The following PRMT8 variants were observed in gnomAD, a reference collection of about 807,000 sequenced individuals.
PRMT8 encodes protein arginine methyltransferase 8.
A neutral mutation model predicts 47.1 loss-of-function variants in PRMT8; 7 were observed. That is an observed-to-expected ratio of 0.15 (90% CI 0.08 to 0.28). The LOEUF is 0.28. Among genes scored for constraint, PRMT8 ranks in the 10% least tolerant of loss-of-function variants. PRMT8 has a pLI of 1.00. For synonymous variants in PRMT8, 188 were observed against 186.5 expected (o/e 1.01, Z -0.07); for missense variants, 237 against 505.4 (o/e 0.47, Z 5.09).
chr12:3,555,628 G>A (rs1565440418), intron 4 of PRMT8, among the ~76,000 whole-genome samples: 1 of 152,222 alleles, frequency 6.6e-6, no homozygotes, highest in African/African-American at 2.4e-5. Context: ...TGGAGGATGG[G>A]TTGGAATAAG....
intron 1 of PRMT8, among the ~76,000 whole-genome samples, chr12:3,417,290 G>A (rs1864493320): frequency 6.6e-6 from 1 of 152,210 alleles, no homozygotes; most frequent in Non-Finnish European, 1.5e-5. Flanking sequence ...AGCAACACAG[G>A]GGTGGGGAGA....
chr12:3,396,352 G>A (rs1270241627), intron 1 of PRMT8, among the ~76,000 whole-genome samples: 23 of 152,180 alleles, frequency 1.5e-4, no homozygotes, highest in South Asian at 2.1e-4. Flanking sequence ...GGCTGGTACC[G>A]GTTGTTCCTT....
rs75298634 is a variant in PRMT8 at position 3,471,452 on chromosome 12, A to T, written c.49-69154A>T. Among the ~76,000 whole-genome samples, 1,054 of 152,048 alleles carry T rather than the reference A, an allele frequency of 6.9e-3. 16 individuals carry two copies. Among genetic ancestry groups the T allele is most frequent in the African/African-American group, 0.024 (999 of 41,470 alleles). On this transcript the variant is annotated intron_variant, in intron 1 of 9. Transcript: ENST00000452611. Reference sequence around the variant, plus strand: ...GCCACCAATCCTCAGGTTTCCATAAACACCAAGGGCAGATTTGTTTTCAGA... The same window carrying T: ...GCCACCAATCCTCAGGTTTCCATAATCACCAAGGGCAGATTTGTTTTCAGA...
chr12:3,435,741 C>T (rs994616327), intron 1 of PRMT8, among the ~76,000 whole-genome samples: 25 of 151,924 alleles, frequency 1.6e-4, no homozygotes, highest in African/African-American at 1.5e-4. Context: ...AGGATGGTCT[C>T]GATCTCCTGA....
At chr12:3,398,875 C>T (rs1259605590) in intron 1 of PRMT8, among the ~76,000 whole-genome samples, 1 of 152,206 alleles carries the variant, frequency 6.6e-6, no homozygotes, top group East Asian at 1.9e-4. Flanking sequence ...CAATGAACCA[C>T]ACTGGGTTCT....
At position 3,552,071 on chromosome 12, in the gene PRMT8, TA is replaced by T. The variant is rs1341073140; in HGVS notation, c.418-1579del. 1 of 152,240 alleles carries T rather than the reference TA, an allele frequency of 6.6e-6. No individual in the cohort carries two copies. The highest frequency in any genetic ancestry group is 2.4e-5 in the African/African-American group (1 of 41,412). The allele number at this position is 152,240 out of a possible 1,614,324, so 9.4% of individuals were successfully genotyped here. A position where few individuals can be genotyped will look rare whatever the true frequency, so the allele number is the denominator to read the frequency against. ...GGCGAAACCCTGTCTCTACTAAAAA[TA>T]CAAAAATTAGCCGGGCATGGTGGCG... On this transcript the variant is annotated intron_variant, in intron 3 of 9. Coordinates refer to ENST00000382622, the MANE Select transcript of PRMT8 (RefSeq NM_019854.5). This position sits in a 1 kb window ranked among gnomAD's most constrained non-coding sequence, Gnocchi z 4.5.
intron 1 of PRMT8, among the ~76,000 whole-genome samples, chr12:3,427,851 G>A (rs1013556201): frequency 2.6e-5 from 4 of 151,590 alleles, no homozygotes; most frequent in African/African-American, 9.7e-5. Flanking sequence ...TTTTTTCGAA[G>A]ATAATCATTC....
rs544220479 is a variant in PRMT8 at position 3,572,201 on chromosome 12, AATATCTGGCAT to A, written c.712+2641_712+2651del. Among the ~76,000 whole-genome samples, 6 of 152,328 alleles carry A rather than the reference AATATCTGGCAT, an allele frequency of 3.9e-5. No individual in the cohort carries two copies. In the South Asian group the frequency reaches 1.2e-3, roughly 32 times the overall value. On this transcript the variant is annotated intron_variant, in intron 6 of 9. Coordinates refer to ENST00000382622, the MANE Select transcript of PRMT8 (RefSeq NM_019854.5). This position sits in a 1 kb window ranked among gnomAD's most constrained non-coding sequence, Gnocchi z 5.9. ...TAGAGACCACATAGAGACAGAGATAAATATCTGGCATATACTAGGCTCACAATACATAATTT... is the reference window on the plus strand; with the variant it reads ...TAGAGACCACATAGAGACAGAGATAAATACTAGGCTCACAATACATAATTT...
At chr12:3,556,281 A>G (rs1866526598) in intron 4 of PRMT8, among the ~76,000 whole-genome samples, 1 of 152,108 alleles carries the variant, frequency 6.6e-6, no homozygotes, top group Non-Finnish European at 1.5e-5. Context: ...GCTAGAAGAA[A>G]GAAATGGGCC....
chr12:3,554,377 T>C (rs1309562620), intron 4 of PRMT8, among the ~76,000 whole-genome samples: 5 of 152,178 alleles, frequency 3.3e-5, no homozygotes, highest in African/African-American at 4.8e-5. Context: ...GACAGCAGGA[T>C]TAGATGCAGT....
chr12:3,391,452 G>A (rs1361606684), intron 1 of PRMT8, among the ~76,000 whole-genome samples: 3 of 152,176 alleles, frequency 2.0e-5, no homozygotes, highest in African/African-American at 7.2e-5. Context: ...CAAATGCCCT[G>A]GGGCAAAATC....
At chr12:3,410,842 G>T (rs1864421756) in intron 1 of PRMT8, among the ~76,000 whole-genome samples, 2 of 152,170 alleles carry the variant, frequency 1.3e-5, no homozygotes. Context: ...ATTCCATGGG[G>T]CATTGGTCTG....
rs1229471854 is a variant in PRMT8 at position 3,570,002 on chromosome 12, AT to A, written c.712+439del. The stretch of plus-strand genomic sequence containing the variant: ...CTCCATTCCATTCAAACTTATCAAA[AT>A]AATATTGATTCTCTTATGCAAATAC... On this transcript the variant is annotated intron_variant, in intron 6 of 9. Coordinates refer to ENST00000382622, the MANE Select transcript of PRMT8 (RefSeq NM_019854.5). This position sits in a 1 kb window ranked among gnomAD's most constrained non-coding sequence, Gnocchi z 5.5. Among the ~76,000 whole-genome samples the A allele has an allele frequency of 6.6e-6, 1 of 152,162 alleles. No homozygotes were observed. The highest frequency in any genetic ancestry group is 2.4e-5 in the African/African-American group (1 of 41,430).
At chr12:3,544,042 G>T (rs1334540136) in intron 2 of PRMT8, among the ~76,000 whole-genome samples, 2 of 152,148 alleles carry the variant, frequency 1.3e-5, no homozygotes, top group Admixed American at 6.5e-5. Context: ...TGACACTCTC[G>T]CTGCAGGTTC....
At position 3,558,957 on chromosome 12, in the gene PRMT8, TCTAC is replaced by T. The variant is rs1215032640; in HGVS notation, c.481+5247_481+5250del. Reference sequence around the variant, plus strand: ...AAACTAACATTTATCTGTCTATCTATCTACCTATCTATCTATCTATCTATCTATC... The same window carrying T: ...AAACTAACATTTATCTGTCTATCTATCTATCTATCTATCTATCTATCTATC... On this transcript the variant is annotated intron_variant, in intron 4 of 9. Transcript: ENST00000382622. 4.4e-3 allele frequency among the ~76,000 whole-genome samples: 586 copies of T among 133,278 alleles called. 4 individuals carry two copies. The highest frequency in any genetic ancestry group is 0.014 in the African/African-American group (485 of 34,236). 87.4% of individuals were successfully genotyped at this position (133,278 alleles called of 152,430 possible). A position where few individuals can be genotyped will look rare whatever the true frequency, so the allele number is the denominator to read the frequency against.
intron 1 of PRMT8, among the ~76,000 whole-genome samples, chr12:3,537,267 A>C (rs1203083183): frequency 6.6e-6 from 1 of 152,204 alleles, no homozygotes; most frequent in Non-Finnish European, 1.5e-5. Context: ...ATTTCTAATG[A>C]GGTTAAACAT....
chr12:3,577,904 TTAGA>T (rs2137220750), intron 7 of PRMT8, among the ~76,000 whole-genome samples: 1 of 152,208 alleles, frequency 6.6e-6, no homozygotes, highest in African/African-American at 2.4e-5. Context: ...ACATGTCCAG[TTAGA>T]TAGAATAAAG....
chr12:3,575,516 T>C (rs1866923013), intron 6 of PRMT8, among the ~76,000 whole-genome samples: 1 of 152,214 alleles, frequency 6.6e-6, no homozygotes, highest in South Asian at 2.1e-4. Flanking sequence ...GGCTGGGCCA[T>C]GGCAGGTGAA....
Position 3,535,948 on chromosome 12 carries a change from A to T in PRMT8, c.76-4658A>T, listed in dbSNP as rs4766136. On this transcript the variant is annotated intron_variant, in intron 1 of 9. Transcript: ENST00000382622. The surrounding 1 kb of genome is among the most constrained non-coding windows in gnomAD (Gnocchi z 4.7). ...GAGGAGTTGAGCCTTCTGACTTTAC[A>T]GAGGAGACCACTGTCATCCCCCAAG... Among the ~76,000 whole-genome samples the T allele has an allele frequency of 6.6e-6, 1 of 152,128 alleles. No individual in the cohort carries two copies. Among genetic ancestry groups the T allele is most frequent in the African/African-American group, 2.4e-5 (1 of 41,394 alleles).
Sources: gnomAD v4.1 joint callset for allele counts (sites outside exome capture counted in the v4.1 genomes callset) on GRCh38, gnomAD v4.1.1 for gene constraint, Gnocchi (gnomAD v3.1) non-coding constraint, MANE v1.5 for transcripts, NCBI Gene and HGNC (gene_info 2026-07-23, HGNC 2026-07-21) for gene names.